WNT3: variants seen among roughly 807,000 people sequenced by gnomAD.
WNT3 encodes proto-oncogene Wnt-3.
WNT3 carries 7 observed loss-of-function variants against 34.2 expected under a neutral mutation model. The ratio of observed to expected loss-of-function variants is 0.20; its 90% confidence interval spans 0.12 to 0.38. The LOEUF (loss-of-function observed/expected upper bound fraction) is 0.38, where lower values mean the gene tolerates loss of function less well. WNT3 is among the 10% of genes least tolerant of loss of function. The pLI is 1.00. For synonymous variants in WNT3, 212 were observed against 211.5 expected (o/e 1.00, Z -0.02); for missense variants, 267 against 499.8 (o/e 0.53, Z 4.44).
At chr17:46,779,101 A>AC (rs1226625742) in intron 1 of WNT3, among the ~76,000 whole-genome samples, 2 of 140,066 alleles carry the variant, frequency 1.4e-5, no homozygotes, top group East Asian at 2.9e-4. Flanking sequence ...ACACACACAC[A>AC]CACCCCAGCC....
chr17:46,774,776 C>T (rs2059400980), intron 1 of WNT3, among the ~76,000 whole-genome samples: 3 of 152,164 alleles, frequency 2.0e-5, no homozygotes, highest in South Asian at 4.2e-4. Flanking sequence ...TACTAGAAAA[C>T]CAAGGTAGGA....
intron 1 of WNT3, among the ~76,000 whole-genome samples, chr17:46,810,152 T>A (rs972819345): frequency 6.6e-6 from 1 of 151,426 alleles, no homozygotes; most frequent in South Asian, 2.1e-4. Flanking sequence ...GATTACAGGC[T>A]CCCACCACCA....
intron 1 of WNT3, among the ~76,000 whole-genome samples, chr17:46,787,022 T>G (rs2059512103): frequency 6.6e-6 from 1 of 151,890 alleles, no homozygotes; most frequent in African/African-American, 2.4e-5. Context: ...ACTGCAGCCT[T>G]GAACTACTTG....
chr17:46,772,283 G>A (rs1230717751), intron 2 of WNT3, among the ~76,000 whole-genome samples: 1 of 152,218 alleles, frequency 6.6e-6, no homozygotes, highest in East Asian at 1.9e-4. Flanking sequence ...ACCTGTCCTC[G>A]GGCCATCTAG....
intron 1 of WNT3, among the ~76,000 whole-genome samples, chr17:46,787,879 C>T (rs1219814952): frequency 6.6e-6 from 1 of 151,640 alleles, no homozygotes; most frequent in African/African-American, 2.4e-5. Flanking sequence ...TCGCTTGAAC[C>T]TGGGAGGCAG....
intron 1 of WNT3, among the ~76,000 whole-genome samples, chr17:46,796,198 A>T (rs2146433732): frequency 1.3e-5 from 2 of 152,240 alleles, no homozygotes; most frequent in Admixed American, 1.3e-4. Flanking sequence ...AACATCCCCC[A>T]CTTCAAAGAG....
At chr17:46,794,520 G>C (rs964639746) in intron 1 of WNT3, among the ~76,000 whole-genome samples, 19 of 152,150 alleles carry the variant, frequency 1.2e-4, no homozygotes, top group Admixed American at 2.6e-4. Context: ...AGTCAGCTCT[G>C]AGAAGGGCTC....
chr17:46,772,516 G>A (rs890047038), intron 2 of WNT3, among the ~76,000 whole-genome samples: 3 of 152,234 alleles, frequency 2.0e-5, no homozygotes, highest in Non-Finnish European at 2.9e-5. Flanking sequence ...CCAACACACC[G>A]ACAAGAACGA....
chr17:46,794,652 C>A (rs2084029531), intron 1 of WNT3, among the ~76,000 whole-genome samples: 1 of 152,126 alleles, frequency 6.6e-6, no homozygotes, highest in Non-Finnish European at 1.5e-5. Context: ...TCCTATTGGT[C>A]TATAGATGCC....
At chr17:46,767,383 C>T (rs983408082) in intron 4 of WNT3, among the ~76,000 whole-genome samples, 8 of 152,132 alleles carry the variant, frequency 5.3e-5, no homozygotes, top group African/African-American at 1.4e-4. Flanking sequence ...GCTTATATGC[C>T]GCTTCCCCCC....
intron 1 of WNT3, among the ~76,000 whole-genome samples, chr17:46,782,984 G>A (rs556932784): frequency 6.6e-6 from 1 of 152,346 alleles, no homozygotes; most frequent in Non-Finnish European, 1.5e-5. Context: ...GTGGGAGAGC[G>A]CCAAGGTGCC....
chr17:46,818,392 G>C (rs1218151986), intron 1 of WNT3, 126 bp downstream of exon 1: 48 of 883,130 alleles, frequency 5.4e-5, no homozygotes, highest in South Asian at 1.8e-4. Flanking sequence ...GTGGGCGGGT[G>C]GGGGGCTGGA....
At chr17:46,818,421 C>G (rs1489485887) in intron 1 of WNT3, 97 bp downstream of exon 1, 1 of 1,255,880 alleles carries the variant, frequency 8.0e-7, no homozygotes, top group Non-Finnish European at 1.1e-6. Context: ...AGGAGAGGAG[C>G]CCCAGCCCTG....
chr17:46,789,816 C>T (rs561310265), intron 1 of WNT3, among the ~76,000 whole-genome samples: 8 of 152,350 alleles, frequency 5.3e-5, no homozygotes, highest in Admixed American at 2.0e-4. Context: ...CAGATGCGCA[C>T]GCAGGAGGCA....
intron 1 of WNT3, among the ~76,000 whole-genome samples, chr17:46,790,259 C>T (rs967466691): frequency 1.3e-5 from 2 of 152,130 alleles, no homozygotes; most frequent in African/African-American, 2.4e-5. Flanking sequence ...TGTTAGGAGC[C>T]GAATCTGGGT....
intron 1 of WNT3, among the ~76,000 whole-genome samples, chr17:46,775,609 CTT>C (rs1223588575): frequency 3.6e-5 from 4 of 111,630 alleles, no homozygotes; most frequent in Non-Finnish European, 5.5e-5. Flanking sequence ...GCCAGAAGTT[CTT>C]TTTTTTTTTT....
At chr17:46,810,782 C>G (rs930779244) in intron 1 of WNT3, among the ~76,000 whole-genome samples, 1 of 152,130 alleles carries the variant, frequency 6.6e-6, no homozygotes, top group African/African-American at 2.4e-5. Flanking sequence ...AGCTGGAAGT[C>G]TTTGGCCAGC....
chr17:46,763,533 G>C lies in WNT3; in HGVS notation c.*1097C>G, dbSNP rs2059286009. The C allele has an allele frequency of 6.6e-6, 1 of 152,168 alleles. No individual in the cohort carries two copies. Among genetic ancestry groups the C allele is most frequent in the South Asian group, 2.1e-4 (1 of 4,824 alleles). 9.4% of individuals were successfully genotyped at this position (152,168 alleles called of 1,614,324 possible). On this transcript the variant is annotated 3_prime_UTR_variant, in exon 5 of 5. Coordinates refer to ENST00000225512, the MANE Select transcript of WNT3 (RefSeq NM_030753.5). Reference sequence around the variant, plus strand: ...GAGAGGAAAGGACACAGTAAGATGGGTCCGTATTGGAGAGGAAGCAAAGGG... The same window carrying C: ...GAGAGGAAAGGACACAGTAAGATGGCTCCGTATTGGAGAGGAAGCAAAGGG...
At chr17:46,779,694 T>C (rs957249251) in intron 1 of WNT3, among the ~76,000 whole-genome samples, 3 of 152,230 alleles carry the variant, frequency 2.0e-5, no homozygotes, top group Non-Finnish European at 1.5e-5. Flanking sequence ...GCCTCTACCC[T>C]GATAACGCCT....
Sources: allele counts gnomAD v4.1 joint callset (sites outside exome capture counted in the v4.1 genomes callset), GRCh38; gene constraint gnomAD v4.1.1; transcripts MANE v1.5; gene names NCBI Gene and HGNC (gene_info 2026-07-23, HGNC 2026-07-21).